THSD4: variants seen among roughly 807,000 people sequenced by gnomAD.
THSD4 encodes thrombospondin type 1 domain containing 4.
In THSD4, 69 loss-of-function variants were observed where a neutral mutation model predicts 119.0. The ratio of observed to expected loss-of-function variants is 0.58; its 90% confidence interval spans 0.48 to 0.71. THSD4 has a LOEUF of 0.71. Ranked by LOEUF, THSD4 falls within the 30% of genes least tolerant of loss-of-function variation. THSD4 has a pLI of 0.00. For synonymous variants in THSD4, 524 were observed against 540.4 expected, an observed-to-expected ratio of 0.97 and a Z score of 0.42; for missense variants, 1,393 against 1,391.1, an observed-to-expected ratio of 1.00 and a Z score of -0.02.
At chr15:71,665,833 T>G (rs1172912612) in intron 8 of THSD4, among the ~76,000 whole-genome samples, 1 of 152,154 alleles carries the variant, frequency 6.6e-6, no homozygotes, top group Non-Finnish European at 1.5e-5. Context: ...TTCTGGGCCT[T>G]ATTTCTCTAT....
chr15:71,249,120 C>A (rs893231043), intron 5 of THSD4, among the ~76,000 whole-genome samples: 1 of 152,138 alleles, frequency 6.6e-6, no homozygotes, highest in Non-Finnish European at 1.5e-5. Flanking sequence ...TATATACACA[C>A]ACACACGTAT....
intron 6 of THSD4, among the ~76,000 whole-genome samples, chr15:71,407,870 G>T (rs1162722332): frequency 1.3e-5 from 2 of 152,286 alleles, no homozygotes; most frequent in East Asian, 3.9e-4. Flanking sequence ...CCAAGAATTT[G>T]CATTTTCAGC....
At chr15:71,421,323 CTCCCTTTAGT>C in intron 7 of THSD4, among the ~76,000 whole-genome samples, 1 of 62,794 alleles carries the variant, frequency 1.6e-5, no homozygotes. Context: ...TCTCTTTCTA[CTCCCTTTAGT>C]ATTTCTTGTA....
intron 6 of THSD4, among the ~76,000 whole-genome samples, chr15:71,349,842 T>G (rs1403056884): frequency 6.6e-6 from 1 of 152,074 alleles, no homozygotes; most frequent in African/African-American, 2.4e-5. Context: ...TAACAGAGAT[T>G]CAGTGTGGGC....
At chr15:71,388,256 G>A (rs2046318871) in intron 6 of THSD4, among the ~76,000 whole-genome samples, 1 of 152,188 alleles carries the variant, frequency 6.6e-6, no homozygotes. Flanking sequence ...CCTTTAGCCT[G>A]TAGGTGATTC....
At chr15:71,459,949 C>T (rs2047404489) in intron 7 of THSD4, among the ~76,000 whole-genome samples, 1 of 152,282 alleles carries the variant, frequency 6.6e-6, no homozygotes, top group South Asian at 2.1e-4. Context: ...TTATGCCACA[C>T]TCAACCATAC....
chr15:71,247,339 C>T (rs931313198), intron 5 of THSD4, among the ~76,000 whole-genome samples: 1 of 152,166 alleles, frequency 6.6e-6, no homozygotes, highest in African/African-American at 2.4e-5. Context: ...ATAAGCATAA[C>T]ATTGACGTTG....
At chr15:71,636,727 T>A (rs977487761) in intron 7 of THSD4, among the ~76,000 whole-genome samples, 1 of 152,048 alleles carries the variant, frequency 6.6e-6, no homozygotes, top group African/African-American at 2.4e-5. Flanking sequence ...AGCTGTGCCT[T>A]TGACAATCCT....
At chr15:71,701,665 G>C (rs2052291335) in intron 8 of THSD4, among the ~76,000 whole-genome samples, 1 of 151,962 alleles carries the variant, frequency 6.6e-6, no homozygotes, top group South Asian at 2.1e-4. Context: ...TTAAAATGAT[G>C]GTGGGCTAAA....
chr15:71,285,251 T>C (rs2044701015), intron 6 of THSD4, among the ~76,000 whole-genome samples: 1 of 152,214 alleles, frequency 6.6e-6, no homozygotes, highest in Admixed American at 6.5e-5. Context: ...CAAAGATCAT[T>C]AAATGGACTC....
At chr15:71,199,700 G>GGTGCA (rs2043767140) in intron 3 of THSD4, among the ~76,000 whole-genome samples, 4 of 13,942 alleles carry the variant, frequency 2.9e-4, no homozygotes, top group African/African-American at 1.7e-3. Context: ...GGTGTGTGTG[G>GGTGCA]TGTCTGGGTG....
intron 7 of THSD4, among the ~76,000 whole-genome samples, chr15:71,597,440 T>C (rs2140885560): frequency 6.6e-6 from 1 of 152,340 alleles, no homozygotes; most frequent in East Asian, 1.9e-4. Flanking sequence ...AACATATACA[T>C]GCAGCTCTTC....
chr15:71,340,256 A>C (rs79888012), intron 6 of THSD4, among the ~76,000 whole-genome samples: 4,418 of 152,332 alleles, frequency 0.029, 231 homozygotes, highest in African/African-American at 0.1. Context: ...ACATCTTGCC[A>C]GGATGGGTCT....
At chr15:71,413,358 C>G (rs1283076335) in intron 7 of THSD4, among the ~76,000 whole-genome samples, 1 of 152,190 alleles carries the variant, frequency 6.6e-6, no homozygotes, top group Admixed American at 6.5e-5. Context: ...TTATTATTAG[C>G]TATAGTCACC....
intron 1 of THSD4, among the ~76,000 whole-genome samples, chr15:71,125,632 G>A (rs2040448019): frequency 6.6e-6 from 1 of 152,232 alleles, no homozygotes; most frequent in Non-Finnish European, 1.5e-5. Context: ...GGGCCAGAGG[G>A]AGGCCCCAGG....
chr15:71,506,931 G>T (rs1245139770), intron 7 of THSD4, among the ~76,000 whole-genome samples: 1 of 152,202 alleles, frequency 6.6e-6, no homozygotes, highest in African/African-American at 2.4e-5. Flanking sequence ...TGGTTCATCT[G>T]TAAGTTTTCC....
At chr15:71,702,709 GTTCT>G (rs1247990031) in intron 8 of THSD4, among the ~76,000 whole-genome samples, 1 of 152,300 alleles carries the variant, frequency 6.6e-6, no homozygotes, top group African/African-American at 2.4e-5. Context: ...TGCACAGACA[GTTCT>G]TTCTTTCTGC....
intron 6 of THSD4, among the ~76,000 whole-genome samples, chr15:71,389,077 G>A (rs918820883): frequency 3.3e-5 from 5 of 152,128 alleles, no homozygotes; most frequent in Non-Finnish European, 5.9e-5. Flanking sequence ...GGCCTCCCCA[G>A]CTGCATGGAA....
At chr15:71,596,850 C>T (rs1035823236) in intron 7 of THSD4, among the ~76,000 whole-genome samples, 1 of 152,114 alleles carries the variant, frequency 6.6e-6, no homozygotes, top group African/African-American at 2.4e-5. Flanking sequence ...TTTGTCGGGC[C>T]CCTAGGTGAC....
Sources: gnomAD v4.1 joint callset for allele counts (sites outside exome capture counted in the v4.1 genomes callset) on GRCh38, gnomAD v4.1.1 for gene constraint, MANE v1.5 for transcripts, NCBI Gene and HGNC (gene_info 2026-07-23, HGNC 2026-07-21) for gene names.